The following STX8 variants were observed in gnomAD, a reference collection of about 807,000 sequenced individuals.
STX8 encodes the protein syntaxin-8.
Under a neutral mutation model 37.5 loss-of-function variants are expected in STX8, and 23 were observed. The ratio of observed to expected loss-of-function variants is 0.61; its 90% CI spans 0.44 to 0.87. The LOEUF (loss-of-function observed/expected upper bound fraction) is 0.87, where lower values mean the gene tolerates loss of function less well. Among genes scored for constraint, STX8 ranks in the 40% least tolerant of loss-of-function variants. STX8 has a pLI of 0.00. For missense variants in STX8, 313 were observed against 284.7 expected (o/e 1.10, Z -0.71); for synonymous variants, 115 against 99.1 (o/e 1.16, Z -0.95).
intron 6 of STX8, among the ~76,000 whole-genome samples, chr17:9,454,862 C>CA (rs913640664): frequency 6.6e-6 from 1 of 151,440 alleles, no homozygotes; most frequent in Non-Finnish European, 1.5e-5. Flanking sequence ...TCTTTGGAGA[C>CA]AAAAAAAATT....
intron 7 of STX8, among the ~76,000 whole-genome samples, chr17:9,317,555 G>A (rs1400622249): frequency 6.6e-6 from 1 of 152,240 alleles, no homozygotes; most frequent in South Asian, 2.1e-4. Context: ...CACAAGGGCA[G>A]GAGATCGAGA....
chr17:9,388,319 A>C (rs1307241475), intron 6 of STX8, among the ~76,000 whole-genome samples: 1 of 149,282 alleles, frequency 6.7e-6, no homozygotes, highest in Non-Finnish European at 1.5e-5. Context: ...TGATCCACTC[A>C]CCTCTGTCTC....
Position 9,437,695 on chromosome 17 carries a change from C to G in STX8, c.541+54134G>C, listed in dbSNP as rs895984142. 3 of 152,174 alleles carry G rather than the reference C, an allele frequency of 2.0e-5. 1 individual carries two copies. The highest frequency in any genetic ancestry group is 2.0e-4 in the Admixed American group (3 of 15,272). 9.4% of individuals were successfully genotyped at this position (152,174 alleles called of 1,614,324 possible). ...TTCAATTAATACTGTCCCTGCTAGG[C>G]TAGGCCTTATATCTATAAGCAATTC... On this transcript the variant is annotated intron_variant, in intron 6 of 7. Transcript: ENST00000306357.
intron 6 of STX8, among the ~76,000 whole-genome samples, chr17:9,457,106 C>T (rs1905206875): frequency 6.6e-6 from 1 of 152,200 alleles, no homozygotes; most frequent in Non-Finnish European, 1.5e-5. Flanking sequence ...TGAGGTTCTG[C>T]AAAGTCATCA....
At chr17:9,253,617 G>T (rs1567755367) in intron 7 of STX8, among the ~76,000 whole-genome samples, 1 of 152,116 alleles carries the variant, frequency 6.6e-6, no homozygotes, top group Non-Finnish European at 1.5e-5. Flanking sequence ...ATGACAGGGA[G>T]GGGCTGGCAG....
chr17:9,275,760 C>T (rs1002948775), intron 7 of STX8, among the ~76,000 whole-genome samples: 2 of 151,662 alleles, frequency 1.3e-5, no homozygotes, highest in Admixed American at 1.3e-4. Flanking sequence ...CCCAGCTACT[C>T]GGGAGGCTGA....
chr17:9,457,022 G>T (rs1050370655), intron 6 of STX8, among the ~76,000 whole-genome samples: 3 of 152,110 alleles, frequency 2.0e-5, no homozygotes, highest in African/African-American at 7.2e-5. Context: ...AATGAGACTC[G>T]AACTGGATTA....
At chr17:9,333,328 C>T (rs1366092239) in intron 7 of STX8, among the ~76,000 whole-genome samples, 1 of 152,174 alleles carries the variant, frequency 6.6e-6, no homozygotes, top group Non-Finnish European at 1.5e-5. Flanking sequence ...GTATCTCCCA[C>T]TTATAAGTGA....
intron 6 of STX8, among the ~76,000 whole-genome samples, chr17:9,447,643 G>A (rs1031051885): frequency 2.6e-5 from 4 of 151,828 alleles, no homozygotes; most frequent in African/African-American, 7.3e-5. Flanking sequence ...GGCTGGTCTC[G>A]AACTCCTGAC....
chr17:9,442,623 G>C (rs1490337382), intron 6 of STX8, among the ~76,000 whole-genome samples: 3 of 152,156 alleles, frequency 2.0e-5, no homozygotes, highest in Non-Finnish European at 4.4e-5. Context: ...GGCCAGGCTG[G>C]TCTCAAACTC....
At chr17:9,519,760 C>T (rs1259426310) in intron 4 of STX8, among the ~76,000 whole-genome samples, 1 of 146,908 alleles carries the variant, frequency 6.8e-6, no homozygotes, top group African/African-American at 2.5e-5. Flanking sequence ...AAAGGCAAAA[C>T]TTTCACACTC....
intron 6 of STX8, among the ~76,000 whole-genome samples, chr17:9,400,520 T>A (rs2142317852): frequency 6.6e-6 from 1 of 152,194 alleles, no homozygotes; most frequent in Admixed American, 6.5e-5. Flanking sequence ...TTCTCCTGCC[T>A]CAGCCTCCCG....
At chr17:9,376,505 G>A (rs1033770902) in intron 7 of STX8, among the ~76,000 whole-genome samples, 3 of 152,180 alleles carry the variant, frequency 2.0e-5, no homozygotes, top group African/African-American at 7.2e-5. Flanking sequence ...AGCAGGACAT[G>A]GGCGGAGCCA....
intron 5 of STX8, among the ~76,000 whole-genome samples, chr17:9,501,798 C>T (rs1193094446): frequency 6.6e-6 from 1 of 151,588 alleles, no homozygotes; most frequent in African/African-American, 2.4e-5. Context: ...ACGGTGAAAC[C>T]CCATCTCTAA....
At chr17:9,446,284 T>C (rs1350982261) in intron 6 of STX8, among the ~76,000 whole-genome samples, 1 of 152,262 alleles carries the variant, frequency 6.6e-6, no homozygotes, top group Admixed American at 6.5e-5. Flanking sequence ...ATTTGCTGAC[T>C]GACTATTCAT....
chr17:9,552,596 C>G (rs552651845), intron 3 of STX8, among the ~76,000 whole-genome samples: 1 of 151,882 alleles, frequency 6.6e-6, no homozygotes, highest in African/African-American at 2.4e-5. Context: ...TATCTATCTA[C>G]TTACCTATCT....
chr17:9,317,797 G>C (rs1433667787), intron 7 of STX8, among the ~76,000 whole-genome samples: 3 of 151,738 alleles, frequency 2.0e-5, no homozygotes, highest in African/African-American at 7.3e-5. Flanking sequence ...AAGTGGGGCT[G>C]TTTTCTCTAC....
At chr17:9,478,542 T>C (rs993630659) in intron 6 of STX8, among the ~76,000 whole-genome samples, 2 of 152,204 alleles carry the variant, frequency 1.3e-5, no homozygotes, top group African/African-American at 4.8e-5. Context: ...ACTATTAGCA[T>C]AAATGTTTCC....
At chr17:9,518,993 G>A (rs995291077) in intron 4 of STX8, among the ~76,000 whole-genome samples, 4 of 152,154 alleles carry the variant, frequency 2.6e-5, no homozygotes, top group African/African-American at 7.2e-5. Flanking sequence ...TAGGGGTGGG[G>A]AGGGACGTGC....
Sources: allele counts gnomAD v4.1 joint callset (sites outside exome capture counted in the v4.1 genomes callset), GRCh38; gene constraint gnomAD v4.1.1; transcripts MANE v1.5; gene names NCBI Gene and HGNC (gene_info 2026-07-23, HGNC 2026-07-21).